WWC1: variants seen among roughly 807,000 people sequenced by gnomAD.
The protein encoded by WWC1 is WW and C2 domain containing 1.
In WWC1, 55 loss-of-function variants were observed where a neutral mutation model predicts 138.4. The observed-to-expected ratio is 0.40, with a 90% confidence interval of 0.32 to 0.50. The LOEUF (loss-of-function observed/expected upper bound fraction) is 0.50, where lower values mean the gene tolerates loss of function less well. Ranked by LOEUF, WWC1 falls within the 20% of genes least tolerant of loss-of-function variation. The pLI is 0.72. For synonymous variants in WWC1, 524 were observed against 564.9 expected (o/e 0.93, Z 1.03); for missense variants, 1,226 against 1,420.4 (o/e 0.86, Z 2.20).
chr5:168,463,104 T>C (rs1756963808), intron 20 of WWC1, among the ~76,000 whole-genome samples: 1 of 152,232 alleles, frequency 6.6e-6, no homozygotes, highest in Non-Finnish European at 1.5e-5. Flanking sequence ...TCATTGTATT[T>C]GTTTTCTATT....
intron 5 of WWC1, among the ~76,000 whole-genome samples, chr5:168,403,070 C>CTTTCTT (rs1554104765): frequency 2.3e-5 from 2 of 86,832 alleles, no homozygotes; most frequent in Non-Finnish European, 4.8e-5. Flanking sequence ...TTCTTTCTTT[C>CTTTCTT]TTTCTTTCTT....
intron 5 of WWC1, among the ~76,000 whole-genome samples, chr5:168,405,718 T>TTTTC: frequency 6.6e-6 from 1 of 151,084 alleles, no homozygotes; most frequent in Non-Finnish European, 1.5e-5. Flanking sequence ...TTTTTTTTCC[T>TTTTC]TTTCTTTCTT....
At position 168,422,085 on chromosome 5, in the gene WWC1, C is replaced by A; in HGVS notation, c.1262C>A (p.Ser421Tyr). 1 of 1,612,914 alleles carries A rather than the reference C, an allele frequency of 6.2e-7. No individual in the cohort carries two copies. The highest frequency in any genetic ancestry group is 1.1e-5 in the South Asian group (1 of 90,838). Residue 421 changes from serine to tyrosine, a missense_variant, in exon 10 of 23, where the codon TCC (serine) becomes TAC (tyrosine). This residue lies in a region of WWC1 where 1,016 missense variants were observed against 1,153.9 expected (regional missense o/e 0.88). Transcript: ENST00000265293. ...EATRQVATLH[S>Y]QLKSLSSSMQ... ...ACCCGGCAGGTGGCAACTCTGCACT[C>A]CCAGCTGAAAAGGTGAGTGGTGGGC...
chr5:168,429,810 C>T (rs1466622170), intron 13 of WWC1, among the ~76,000 whole-genome samples: 1 of 152,080 alleles, frequency 6.6e-6, no homozygotes, highest in Non-Finnish European at 1.5e-5. Flanking sequence ...TGGTGAACAC[C>T]TGTAGTCCTA....
chr5:168,368,625 GCCATGGAGTCACT>G (rs952558352), intron 1 of WWC1, among the ~76,000 whole-genome samples: 4 of 152,168 alleles, frequency 2.6e-5, no homozygotes, highest in African/African-American at 9.7e-5. Flanking sequence ...CCTGTCATCA[GCCATGGAGTCACT>G]CCCCATGGAA....
At chr5:168,312,185 C>G (rs1271146322) in intron 1 of WWC1, among the ~76,000 whole-genome samples, 2 of 151,834 alleles carry the variant, frequency 1.3e-5, no homozygotes, top group Non-Finnish European at 2.9e-5. Flanking sequence ...CCATTACACT[C>G]TAGCCTGGGT....
intron 3 of WWC1, among the ~76,000 whole-genome samples, chr5:168,392,717 G>A (rs1253321759): frequency 6.6e-6 from 1 of 152,106 alleles, no homozygotes; most frequent in Non-Finnish European, 1.5e-5. Flanking sequence ...TTTAAAGATA[G>A]AAAACAAATA....
At chr5:168,363,079 C>T (rs751773466) in intron 1 of WWC1, among the ~76,000 whole-genome samples, 21 of 151,960 alleles carry the variant, frequency 1.4e-4, no homozygotes, top group African/African-American at 2.7e-4. Flanking sequence ...GACAGGTGTT[C>T]GGAGGGTAGA....
intron 1 of WWC1, among the ~76,000 whole-genome samples, chr5:168,303,099 C>T (rs1442387858): frequency 2.6e-5 from 4 of 152,152 alleles, no homozygotes; most frequent in East Asian, 1.9e-4. Flanking sequence ...CAATTATCCC[C>T]GTTTTGCAGA....
chr5:168,430,280 G>A (rs931062801), intron 14 of WWC1, 57 bp downstream of exon 14: 2 of 1,478,190 alleles, frequency 1.4e-6, no homozygotes, highest in Non-Finnish European at 1.9e-6. Context: ...AGTTACCCCT[G>A]GGGGTCACTT....
intron 16 of WWC1, 103 bp from the exon 17 acceptor site, chr5:168,444,391 A>G: frequency 1.7e-6 from 2 of 1,190,264 alleles, no homozygotes; most frequent in Non-Finnish European, 2.3e-6. Flanking sequence ...TGGTTTCACC[A>G]TCAATTCACT....
At chr5:168,433,257 C>G (rs1782090971) in intron 15 of WWC1, among the ~76,000 whole-genome samples, 1 of 152,236 alleles carries the variant, frequency 6.6e-6, no homozygotes, top group Non-Finnish European at 1.5e-5. Context: ...AATGCAGATT[C>G]TGATTCAGCA....
chr5:168,291,981 TG>T lies in WWC1; in HGVS notation c.-170del. On this transcript the variant is annotated 5_prime_UTR_variant, in exon 1 of 23. The change abolishes the stop of an existing upstream ORF in the 5' untranslated region. Transcript: ENST00000265293. ...GCCGGGTCGGGGCTGCAGGGCCGCA[TG>T]GACAGCGGCGCCACCCCGGCCGGCC... is the stretch of plus-strand genomic sequence containing the variant. 1.5e-6 allele frequency: 1 copy of T among 649,872 alleles called. No homozygotes were observed. The highest frequency in any genetic ancestry group is 2.2e-6 in the Non-Finnish European group (1 of 449,460). 40.3% of individuals were successfully genotyped at this position (649,872 alleles called of 1,614,324 possible).
chr5:168,345,212 C>G (rs1426757664), intron 1 of WWC1, among the ~76,000 whole-genome samples: 1 of 152,208 alleles, frequency 6.6e-6, no homozygotes, highest in East Asian at 1.9e-4. Flanking sequence ...TCAAGCTGTT[C>G]TCCTGCCTCA....
At chr5:168,301,097 C>G (rs1408838262) in intron 1 of WWC1, among the ~76,000 whole-genome samples, 1 of 152,224 alleles carries the variant, frequency 6.6e-6, no homozygotes, top group East Asian at 1.9e-4. Flanking sequence ...TATCCATTGT[C>G]TGTCACGTGC....
chr5:168,430,300 GTCC>G (rs1781841203), intron 14 of WWC1, 77 bp downstream of exon 14: 11 of 1,233,008 alleles, frequency 8.9e-6, no homozygotes, highest in Non-Finnish European at 1.3e-5. Flanking sequence ...TTTCTGCCCT[GTCC>G]TGATCCAGTT....
chr5:168,337,364 TCTC>T (rs1182712846), intron 1 of WWC1, among the ~76,000 whole-genome samples: 3 of 151,870 alleles, frequency 2.0e-5, no homozygotes, highest in South Asian at 2.1e-4. Flanking sequence ...GGTTTTGACA[TCTC>T]CTCTCTTTCC....
intron 5 of WWC1, among the ~76,000 whole-genome samples, chr5:168,404,570 C>T (rs1309831168): frequency 6.6e-6 from 1 of 152,216 alleles, no homozygotes; most frequent in Admixed American, 6.5e-5. Context: ...GGGATGAAAA[C>T]TTGCTTCTGC....
At chr5:168,396,706 T>C (rs1778928572) in intron 3 of WWC1, among the ~76,000 whole-genome samples, 1 of 152,252 alleles carries the variant, frequency 6.6e-6, no homozygotes, top group African/African-American at 2.4e-5. Flanking sequence ...TCTCTTTGTC[T>C]AGTTTTCCTT....
Sources: gnomAD v4.1 joint callset for allele counts (sites outside exome capture counted in the v4.1 genomes callset) on GRCh38, gnomAD v4.1.1 for gene constraint, gnomAD v4.1.1 regional missense constraint, MANE v1.5 for transcripts, NCBI Gene and HGNC (gene_info 2026-07-23, HGNC 2026-07-21) for gene names.